Variants in KIF26B observed in about 807,000 individuals in gnomAD.
The protein encoded by KIF26B is kinesin-like protein KIF26B.
KIF26B carries 63 observed loss-of-function variants against 151.2 expected under a neutral mutation model. That is an observed-to-expected ratio of 0.42 (90% CI 0.34 to 0.51). The LOEUF is 0.51. KIF26B is among the 20% of genes least tolerant of loss of function. The probability of loss-of-function intolerance (pLI) is 0.07; values close to 1 mark genes in which losing one functional copy is unlikely to be tolerated. For synonymous variants in KIF26B, 1,357 were observed against 1,262.1 expected, an observed-to-expected ratio of 1.08 and a Z score of -1.59; for missense variants, 2,813 against 2,913.6, an observed-to-expected ratio of 0.97 and a Z score of 0.79.
chr1:245,327,297 G>C (rs568348629), intron 2 of KIF26B, among the ~76,000 whole-genome samples: 1 of 152,168 alleles, frequency 6.6e-6, no homozygotes, highest in South Asian at 2.1e-4. Flanking sequence ...AAATGAAACA[G>C]ATGTGAGTGT....
intron 2 of KIF26B, among the ~76,000 whole-genome samples, chr1:245,347,317 CTTTCTTTT>C (rs1226657410): frequency 3.3e-5 from 5 of 151,896 alleles, no homozygotes; most frequent in African/African-American, 1.2e-4. Context: ...TTCTTTCTTT[CTTTCTTTT>C]TTTTTAGAGA....
intron 2 of KIF26B, among the ~76,000 whole-genome samples, chr1:245,279,200 A>G (rs1239982173): frequency 2.0e-5 from 3 of 152,058 alleles, no homozygotes; most frequent in Admixed American, 6.6e-5. Flanking sequence ...TAATTAGCTG[A>G]AGTCAAGGGA....
intron 5 of KIF26B, among the ~76,000 whole-genome samples, chr1:245,571,242 T>G (rs564012674): frequency 2.0e-5 from 3 of 152,342 alleles, no homozygotes; most frequent in South Asian, 2.1e-4. Flanking sequence ...ATGTTAGTGA[T>G]GTACCTAAGG....
intron 4 of KIF26B, among the ~76,000 whole-genome samples, chr1:245,429,098 A>G (rs1658716267): frequency 6.6e-6 from 1 of 152,206 alleles, no homozygotes; most frequent in Admixed American, 6.5e-5. Context: ...GAGGCAAGTA[A>G]CTTAACCTTG....
chr1:245,212,720 C>T (rs1263908657), intron 2 of KIF26B, among the ~76,000 whole-genome samples: 2 of 152,192 alleles, frequency 1.3e-5, no homozygotes, highest in African/African-American at 2.4e-5. Context: ...CCCTGAGAGG[C>T]GGCACCGTCG....
chr1:245,635,070 T>C (rs1422738987), intron 9 of KIF26B, among the ~76,000 whole-genome samples: 5 of 150,394 alleles, frequency 3.3e-5, no homozygotes, highest in Non-Finnish European at 7.4e-5. Flanking sequence ...GCAATGTTCA[T>C]GAGGGATATT....
chr1:245,232,192 G>C (rs1670012334), intron 2 of KIF26B, among the ~76,000 whole-genome samples: 1 of 152,250 alleles, frequency 6.6e-6, no homozygotes, highest in Non-Finnish European at 1.5e-5. Flanking sequence ...AATCTCTGAA[G>C]AAATTAGGAT....
chr1:245,469,997 T>A (rs1454610994), intron 4 of KIF26B, among the ~76,000 whole-genome samples: 1 of 151,212 alleles, frequency 6.6e-6, no homozygotes, highest in Non-Finnish European at 1.5e-5. Context: ...CAGAGTTGGT[T>A]GGCGGGAGTC....
Position 245,685,402 on chromosome 1 carries a change from C to T in KIF26B, c.2422-3C>T, listed in dbSNP as rs758056121. 33 of 1,601,186 alleles carry T rather than the reference C, an allele frequency of 2.1e-5. No homozygotes were observed. The highest frequency in any genetic ancestry group is 2.7e-5 in the Non-Finnish European group (32 of 1,171,348). The stretch of plus-strand genomic sequence containing the variant: ...ACCACATTAACTGCCGTCTCACTCA[C>T]AGTACACATCCAGCTCGTCCGGCGG... On this transcript the variant is annotated splice_region_variant and splice_polypyrimidine_tract_variant and intron_variant, in intron 11 of 14. Transcript: ENST00000407071.
chr1:245,448,912 G>C (rs1659312832), intron 4 of KIF26B, among the ~76,000 whole-genome samples: 1 of 152,222 alleles, frequency 6.6e-6, no homozygotes, highest in Non-Finnish European at 1.5e-5. Flanking sequence ...GGCTGTCCTT[G>C]TGATTTTTAA....
At chr1:245,472,922 A>G (rs1659946232) in intron 4 of KIF26B, among the ~76,000 whole-genome samples, 1 of 152,234 alleles carries the variant, frequency 6.6e-6, no homozygotes. Flanking sequence ...TACCTAATGT[A>G]GCCAAGAGGT....
chr1:245,391,934 G>T (rs1572038843), intron 3 of KIF26B, among the ~76,000 whole-genome samples: 1 of 151,946 alleles, frequency 6.6e-6, no homozygotes, highest in East Asian at 1.9e-4. Context: ...CCCTGGGAAA[G>T]AACTCTTCAG....
At chr1:245,670,839 A>G (rs2044278061) in intron 10 of KIF26B, among the ~76,000 whole-genome samples, 1 of 152,218 alleles carries the variant, frequency 6.6e-6, no homozygotes, top group African/African-American at 2.4e-5. Flanking sequence ...TCAAGCATTT[A>G]TCCTTTGAGT....
At chr1:245,193,057 A>G (rs1339910865) in intron 2 of KIF26B, among the ~76,000 whole-genome samples, 1 of 152,182 alleles carries the variant, frequency 6.6e-6, no homozygotes, top group Non-Finnish European at 1.5e-5. Flanking sequence ...CCACCCTCAA[A>G]GTAGGTCTTG....
intron 10 of KIF26B, among the ~76,000 whole-genome samples, chr1:245,668,677 GTTTC>G (rs2044246199): frequency 6.6e-6 from 1 of 151,268 alleles, no homozygotes; most frequent in Non-Finnish European, 1.5e-5. Context: ...TGGAGATCAT[GTTTC>G]TTTTCTTTTC....
At chr1:245,586,158 AGTGTGTGTGTGT>A (rs10526699) in intron 5 of KIF26B, among the ~76,000 whole-genome samples, 1,731 of 142,184 alleles carry the variant, frequency 0.012, 35 homozygotes, top group Middle Eastern at 0.042. Flanking sequence ...CACCATGACC[AGTGTGTGTGTGT>A]GTGTGTGTGT....
At chr1:245,274,463 G>A (rs12562285) in intron 2 of KIF26B, among the ~76,000 whole-genome samples, 18,757 of 151,898 alleles carry the variant, frequency 0.12, 1,598 homozygotes, top group East Asian at 0.37. Flanking sequence ...TTATGAGTGA[G>A]AACATGCGGT....
At chr1:245,333,177 G>C (rs1672147786) in intron 2 of KIF26B, among the ~76,000 whole-genome samples, 1 of 152,202 alleles carries the variant, frequency 6.6e-6, no homozygotes, top group Admixed American at 6.5e-5. Flanking sequence ...TTAGCCAAAA[G>C]AGGGAAGCAA....
At chr1:245,267,811 C>T (rs932510520) in intron 2 of KIF26B, among the ~76,000 whole-genome samples, 10 of 152,068 alleles carry the variant, frequency 6.6e-5, no homozygotes, top group Non-Finnish European at 8.8e-5. Context: ...TCTCCTTAAA[C>T]GTTTTGGGGT....
Sources: gnomAD v4.1 joint callset for allele counts (sites outside exome capture counted in the v4.1 genomes callset) on GRCh38, gnomAD v4.1.1 for gene constraint, MANE v1.5 for transcripts, NCBI Gene and HGNC (gene_info 2026-07-23, HGNC 2026-07-21) for gene names.